Variants in ARHGAP10 observed in about 807,000 individuals in gnomAD.
ARHGAP10 encodes Rho GTPase activating protein 10.
A neutral mutation model predicts 108.6 loss-of-function variants in ARHGAP10; 87 were observed. The observed-to-expected ratio is 0.80, with a 90% CI of 0.67 to 0.96. The LOEUF is 0.96. ARHGAP10 is among the 40% of genes least tolerant of loss of function. The pLI is 0.00. For missense variants in ARHGAP10, 939 were observed against 954.5 expected (o/e 0.98, Z 0.21); for synonymous variants, 347 against 341.1 (o/e 1.02, Z -0.19).
At chr4:147,753,552 C>T (rs1190258074) in intron 1 of ARHGAP10, among the ~76,000 whole-genome samples, 1 of 150,238 alleles carries the variant, frequency 6.7e-6, no homozygotes, top group African/African-American at 2.5e-5. Context: ...TGGAGTTTCA[C>T]CATGTTGGCC....
At chr4:147,873,059 A>G (rs1348450971) in intron 7 of ARHGAP10, among the ~76,000 whole-genome samples, 1 of 151,852 alleles carries the variant, frequency 6.6e-6, no homozygotes, top group Non-Finnish European at 1.5e-5. Context: ...ATGTACATCT[A>G]TTTCCTAAGG....
At chr4:147,735,940 G>A (rs938419190) in intron 1 of ARHGAP10, among the ~76,000 whole-genome samples, 7 of 152,186 alleles carry the variant, frequency 4.6e-5, no homozygotes, top group African/African-American at 1.7e-4. Context: ...CAGGTAGATA[G>A]CACAGTTGCC....
At chr4:147,917,625 G>C (rs1373146420) in intron 13 of ARHGAP10, among the ~76,000 whole-genome samples, 4 of 152,160 alleles carry the variant, frequency 2.6e-5, no homozygotes, top group Admixed American at 2.6e-4. Flanking sequence ...TTTAACTTAA[G>C]AGTTTCAGAA....
chr4:147,827,370 T>C (rs1364937030), intron 3 of ARHGAP10, among the ~76,000 whole-genome samples: 1 of 152,220 alleles, frequency 6.6e-6, no homozygotes, highest in Non-Finnish European at 1.5e-5. Flanking sequence ...TTAAATAGCC[T>C]ATACTAAGTG....
chr4:147,841,427 A>G (rs1733411617), intron 3 of ARHGAP10, among the ~76,000 whole-genome samples: 2 of 152,174 alleles, frequency 1.3e-5, no homozygotes, highest in South Asian at 4.1e-4. Flanking sequence ...TTATTACTTC[A>G]TCCATCTCCT....
rs147073766 is a variant in ARHGAP10, at chr4:147,837,362, A to G, written c.313-9789A>G. Among the ~76,000 whole-genome samples the G allele has an allele frequency of 5.3e-5, 8 of 152,366 alleles. No homozygotes were observed. The East Asian group carries it at 1.5e-3, about 29-fold the overall frequency. On this transcript the variant is annotated intron_variant, in intron 3 of 22. Coordinates refer to ENST00000336498, the MANE Select transcript of ARHGAP10 (RefSeq NM_024605.4). ...AAATTCTAAAAAATACTAATCCTTT[A>G]TTAGTCTGGATTCTCAATTGCAAGC...
At chr4:147,816,371 A>C (rs922306229) in intron 1 of ARHGAP10, among the ~76,000 whole-genome samples, 2 of 152,102 alleles carry the variant, frequency 1.3e-5, no homozygotes, top group Non-Finnish European at 2.9e-5. Context: ...CTCCAGGTTT[A>C]TGGGTTTCTT....
At chr4:147,838,732 G>T (rs1733274442) in intron 3 of ARHGAP10, among the ~76,000 whole-genome samples, 1 of 152,118 alleles carries the variant, frequency 6.6e-6, no homozygotes, top group Non-Finnish European at 1.5e-5. Flanking sequence ...TGGGGTTTAT[G>T]CCTTGTTGCC....
intron 20 of ARHGAP10, among the ~76,000 whole-genome samples, chr4:148,049,444 C>T (rs185595928): frequency 9.8e-4 from 150 of 152,320 alleles, no homozygotes; most frequent in African/African-American, 3.5e-3. Flanking sequence ...CTTCTAGGGT[C>T]GTGCGTTGCT....
At chr4:147,825,278 C>T (rs572114087) in intron 3 of ARHGAP10, among the ~76,000 whole-genome samples, 8 of 152,114 alleles carry the variant, frequency 5.3e-5, no homozygotes, top group East Asian at 1.9e-4. Flanking sequence ...GGTGAAACCC[C>T]GTCTCTACTA....
At chr4:147,862,663 G>C (rs1318296379) in intron 5 of ARHGAP10, 1 of 152,252 alleles carries the variant, frequency 6.6e-6, no homozygotes, top group African/African-American at 2.4e-5. Context: ...AGAACATTAA[G>C]GGGGTGGTGA....
chr4:147,860,391 G>A (rs951828798), intron 5 of ARHGAP10, among the ~76,000 whole-genome samples: 2 of 152,270 alleles, frequency 1.3e-5, no homozygotes, highest in African/African-American at 2.4e-5. Flanking sequence ...GCAGTGAGCC[G>A]AGATGGGGCC....
intron 4 of ARHGAP10, among the ~76,000 whole-genome samples, chr4:147,847,864 C>T (rs2126818711): frequency 6.6e-6 from 1 of 152,220 alleles, no homozygotes; most frequent in Non-Finnish European, 1.5e-5. Flanking sequence ...ATATATTTAG[C>T]AACTTATTTA....
chr4:147,758,062 A>T (rs1729451940), intron 1 of ARHGAP10, among the ~76,000 whole-genome samples: 1 of 152,206 alleles, frequency 6.6e-6, no homozygotes, highest in African/African-American at 2.4e-5. Flanking sequence ...GAATTTGGTG[A>T]GACCAGCCTG....
At chr4:147,926,920 T>C (rs1737484672) in intron 13 of ARHGAP10, among the ~76,000 whole-genome samples, 1 of 152,156 alleles carries the variant, frequency 6.6e-6, no homozygotes, top group South Asian at 2.1e-4. Flanking sequence ...CTTGTTTTTT[T>C]CTTAGGTGTT....
At chr4:147,878,526 C>A (rs533293383) in intron 8 of ARHGAP10, among the ~76,000 whole-genome samples, 1 of 152,230 alleles carries the variant, frequency 6.6e-6, no homozygotes, top group African/African-American at 2.4e-5. Context: ...TTCTATAATT[C>A]TATCATTTTG....
At chr4:148,005,212 A>G (rs773357469) in intron 18 of ARHGAP10, among the ~76,000 whole-genome samples, 11 of 152,192 alleles carry the variant, frequency 7.2e-5, no homozygotes, top group Non-Finnish European at 1.2e-4. Flanking sequence ...GTCCCATATT[A>G]GGCATTCAGT....
At position 148,063,259 on chromosome 4, in the gene ARHGAP10, C is replaced by T; in HGVS notation, c.2139C>T (p.Pro713=). 6.2e-7 allele frequency: 1 copy of T among 1,614,206 alleles called. No homozygotes were observed. Among genetic ancestry groups the T allele is most frequent in the Non-Finnish European group, 8.5e-7 (1 of 1,180,034 alleles). ...TTTCACCCGGGTCGTCCCCTTTCCC[C>T]TTTTCTCCTCCTGCTACTGTAGCGG... ...TPLSPGSSPF[P]FSPPATVADK... The change falls in exon 21 of 23, where the codon CCC becomes CCT. Residue 713 remains proline (P), a synonymous_variant. Transcript: ENST00000336498.
At chr4:147,838,175 T>G (rs1733252041) in intron 3 of ARHGAP10, among the ~76,000 whole-genome samples, 1 of 152,190 alleles carries the variant, frequency 6.6e-6, no homozygotes, top group Admixed American at 6.5e-5. Flanking sequence ...CAGTACAGCT[T>G]TCCAGAGCAT....
Sources: gnomAD v4.1 joint callset for allele counts (sites outside exome capture counted in the v4.1 genomes callset) on GRCh38, gnomAD v4.1.1 for gene constraint, MANE v1.5 for transcripts, NCBI Gene and HGNC (gene_info 2026-07-23, HGNC 2026-07-21) for gene names.